The following KCNG3 variants were observed in gnomAD, a reference collection of about 807,000 sequenced individuals.
KCNG3 encodes voltage-gated potassium channel regulatory subunit KCNG3.
Under a neutral mutation model 29.0 loss-of-function variants are expected in KCNG3, and 15 were observed. The observed-to-expected ratio is 0.52, with a 90% CI of 0.35 to 0.80. KCNG3 has a LOEUF of 0.80. KCNG3 is among the 30% of genes least tolerant of loss of function. KCNG3 has a pLI of 0.01. For synonymous variants in KCNG3, 322 were observed against 248.9 expected (o/e 1.29, Z -2.76); for missense variants, 512 against 605.7 (o/e 0.85, Z 1.62).
At chr2:42,433,414 G>A in the KCNG3 span, among the ~76,000 whole-genome samples, 1 of 151,976 alleles carries the variant, frequency 6.6e-6, no homozygotes, top group Non-Finnish European at 1.5e-5. Flanking sequence ...AGTCGGGGAA[G>A]ATCTACCATC....
the KCNG3 span, among the ~76,000 whole-genome samples, chr2:42,407,613 G>A: frequency 2.6e-5 from 4 of 152,106 alleles, no homozygotes; most frequent in Admixed American, 6.5e-5. Flanking sequence ...CAGGCCTCCT[G>A]CTCCTCCAGG....
At chr2:42,428,589 T>C in the KCNG3 span, among the ~76,000 whole-genome samples, 8 of 152,070 alleles carry the variant, frequency 5.3e-5, no homozygotes, top group Admixed American at 4.6e-4. Context: ...TCAAGCACTC[T>C]AGAAAAATGT....
chr2:42,475,314 CCT>C (rs1673396067), intron 1 of KCNG3, among the ~76,000 whole-genome samples: 1 of 141,270 alleles, frequency 7.1e-6, no homozygotes, highest in Non-Finnish European at 1.5e-5. Context: ...ACAGAACAAG[CCT>C]CTGTCTCTTT....
the KCNG3 span, among the ~76,000 whole-genome samples, chr2:42,417,147 G>C: frequency 2.0e-5 from 3 of 152,138 alleles, no homozygotes; most frequent in South Asian, 6.2e-4. Flanking sequence ...GGAGGCTGAG[G>C]CAAGAGAATC....
intron 1 of KCNG3, among the ~76,000 whole-genome samples, chr2:42,480,489 T>C (rs1214219759): frequency 6.6e-6 from 1 of 152,166 alleles, no homozygotes; most frequent in African/African-American, 2.4e-5. Context: ...CAGTTTCTAT[T>C]GCAACTACCC....
At chr2:42,425,986 C>T in the KCNG3 span, among the ~76,000 whole-genome samples, 1 of 152,198 alleles carries the variant, frequency 6.6e-6, no homozygotes, top group South Asian at 2.1e-4. Context: ...AGGTGGTTCT[C>T]AAAGTCAAAA....
the KCNG3 span, among the ~76,000 whole-genome samples, chr2:42,404,028 T>C: frequency 1.3e-5 from 2 of 152,230 alleles, no homozygotes; most frequent in Non-Finnish European, 2.9e-5. Flanking sequence ...TTCTTTTCTC[T>C]GGAACAATTT....
At chr2:42,429,758 A>G in the KCNG3 span, among the ~76,000 whole-genome samples, 1 of 152,216 alleles carries the variant, frequency 6.6e-6, no homozygotes, top group African/African-American at 2.4e-5. Context: ...GACTCAGCTA[A>G]TGCTACTCTG....
At chr2:42,430,361 T>TAAAA in the KCNG3 span, among the ~76,000 whole-genome samples, 3 of 120,902 alleles carry the variant, frequency 2.5e-5, no homozygotes, top group Admixed American at 8.7e-5. Context: ...CAGACTGTCT[T>TAAAA]AAAAATAAAT....
intron 1 of KCNG3, among the ~76,000 whole-genome samples, chr2:42,450,547 G>T (rs545509903): frequency 6.6e-6 from 1 of 152,146 alleles, no homozygotes; most frequent in African/African-American, 2.4e-5. Context: ...AGAAACTAAA[G>T]ATACATCACA....
At chr2:42,409,699 C>CAAAA in the KCNG3 span, among the ~76,000 whole-genome samples, 335 of 51,820 alleles carry the variant, frequency 6.5e-3, 2 homozygotes, top group East Asian at 0.046. Flanking sequence ...GTGCCTGTCT[C>CAAAA]AAAAAAAAAA....
At chr2:42,465,471 C>T (rs1325354976) in intron 1 of KCNG3, among the ~76,000 whole-genome samples, 1 of 152,128 alleles carries the variant, frequency 6.6e-6, no homozygotes, top group African/African-American at 2.4e-5. Context: ...CCCACCTCAG[C>T]CTCCCAAAGT....
chr2:42,468,592 T>C (rs1673202719), intron 1 of KCNG3, among the ~76,000 whole-genome samples: 1 of 152,074 alleles, frequency 6.6e-6, no homozygotes, highest in Non-Finnish European at 1.5e-5. Context: ...TTGAAAGACA[T>C]TAAAGAATAG....
chr2:42,472,903 ATTT>A (rs1553330072), intron 1 of KCNG3, among the ~76,000 whole-genome samples: 8 of 131,536 alleles, frequency 6.1e-5, no homozygotes, highest in African/African-American at 2.0e-4. Flanking sequence ...ATATATATAT[ATTT>A]TTTTTTTTTT....
At chr2:42,457,367 G>T (rs1023300484) in intron 1 of KCNG3, among the ~76,000 whole-genome samples, 1 of 151,382 alleles carries the variant, frequency 6.6e-6, no homozygotes, top group South Asian at 2.1e-4. Flanking sequence ...GGGGGCACGC[G>T]CCTGTACTCC....
At chr2:42,446,996 A>T (rs1454234150) in intron 1 of KCNG3, among the ~76,000 whole-genome samples, 1 of 151,300 alleles carries the variant, frequency 6.6e-6, no homozygotes. Flanking sequence ...AGGCAGGAGG[A>T]TTGCTTGAGC....
At chr2:42,481,350 G>C (rs1221844591) in intron 1 of KCNG3, among the ~76,000 whole-genome samples, 1 of 152,074 alleles carries the variant, frequency 6.6e-6, no homozygotes, top group Non-Finnish European at 1.5e-5. Flanking sequence ...AGGACTCAAG[G>C]AAGTCCTTGA....
chr2:42,476,858 T>C (rs185477553), intron 1 of KCNG3, among the ~76,000 whole-genome samples: 1 of 151,118 alleles, frequency 6.6e-6, no homozygotes, highest in Non-Finnish European at 1.5e-5. Context: ...TTGTTGCCCA[T>C]GATTAGAGTC....
chr2:42,411,770 A>G, the KCNG3 span, among the ~76,000 whole-genome samples: 1 of 152,222 alleles, frequency 6.6e-6, no homozygotes, highest in Non-Finnish European at 1.5e-5. Flanking sequence ...GGCATGAGCT[A>G]CTGCGCCCAA....
Sources: allele counts gnomAD v4.1 joint callset (sites outside exome capture counted in the v4.1 genomes callset), GRCh38; gene constraint gnomAD v4.1.1; transcripts MANE v1.5; gene names NCBI Gene and HGNC (gene_info 2026-07-23, HGNC 2026-07-21).